The following PRKN variants were observed in gnomAD, a reference collection of about 807,000 sequenced individuals.
PRKN encodes parkin RBR E3 ubiquitin protein ligase.
A neutral mutation model predicts 59.5 loss-of-function variants in PRKN; 56 were observed. The observed-to-expected ratio is 0.94, with a 90% CI of 0.76 to 1.18. PRKN has a LOEUF of 1.18. PRKN is among the 50% of genes most tolerant of loss of function. The pLI is 0.00. For missense variants in PRKN, 657 were observed against 596.4 expected (o/e 1.10, Z -1.06); for synonymous variants, 250 against 222.1 (o/e 1.13, Z -1.12).
chr6:161,499,856 C>A lies in PRKN; in HGVS notation c.1083+48998G>T, dbSNP rs529951683. 1.3e-5 allele frequency among the ~76,000 whole-genome samples: 2 copies of A among 152,156 alleles called. No homozygotes were observed. Among genetic ancestry groups the A allele is most frequent in the African/African-American group, 4.8e-5 (2 of 41,446 alleles). ...AAGGTAGAATTTGGATGCCAAAATG[C>A]TATGATTTCTGAAATGGTGTCCAGG... On this transcript the variant is annotated intron_variant, in intron 9 of 11. Coordinates refer to ENST00000366898, the MANE Select transcript of PRKN (RefSeq NM_004562.3). This position sits in a 1 kb window ranked among gnomAD's most constrained non-coding sequence, Gnocchi z 4.2.
At chr6:162,209,512 T>C (rs1295152163) in intron 3 of PRKN, among the ~76,000 whole-genome samples, 1 of 152,152 alleles carries the variant, frequency 6.6e-6, no homozygotes, top group African/African-American at 2.4e-5. Context: ...GGTGGGAGTG[T>C]AAATTAGTTC....
chr6:161,638,642 G>A (rs1215697770), intron 7 of PRKN, among the ~76,000 whole-genome samples: 1 of 151,770 alleles, frequency 6.6e-6, no homozygotes, highest in Non-Finnish European at 1.5e-5. Context: ...TAATCCCCAT[G>A]TGTTGTGGGA....
intron 2 of PRKN, among the ~76,000 whole-genome samples, chr6:162,404,698 G>A (rs919805668): frequency 5.3e-5 from 8 of 151,990 alleles, no homozygotes; most frequent in East Asian, 1.9e-4. Flanking sequence ...GACTACAGGC[G>A]TGCACCACCA....
At chr6:162,634,171 T>G (rs1418627894) in intron 1 of PRKN, among the ~76,000 whole-genome samples, 1 of 152,124 alleles carries the variant, frequency 6.6e-6, no homozygotes, top group East Asian at 1.9e-4. Flanking sequence ...AGGGTTGGAA[T>G]GCATCTGCAG....
chr6:161,366,776 T>C (rs150623403), intron 10 of PRKN, among the ~76,000 whole-genome samples: 135 of 152,186 alleles, frequency 8.9e-4, no homozygotes, highest in African/African-American at 3.0e-3. Context: ...CCCGGGTGTT[T>C]CTGTACCTGA....
intron 7 of PRKN, among the ~76,000 whole-genome samples, chr6:161,645,987 G>C (rs369735153): frequency 6.4e-5 from 8 of 125,540 alleles, no homozygotes; most frequent in African/African-American, 2.3e-4. Flanking sequence ...CTGCGTGTGC[G>C]TGCGTGGCGG....
chr6:162,525,855 T>A (rs1778258276), intron 1 of PRKN, among the ~76,000 whole-genome samples: 1 of 152,186 alleles, frequency 6.6e-6, no homozygotes, highest in Admixed American at 6.5e-5. Flanking sequence ...AAATTGTTAA[T>A]TTATTATTAT....
chr6:161,886,180 A>C (rs1795141183), intron 6 of PRKN, among the ~76,000 whole-genome samples: 1 of 152,212 alleles, frequency 6.6e-6, no homozygotes, highest in African/African-American at 2.4e-5. Flanking sequence ...AAAAAATAAG[A>C]ATTAAATTTT....
intron 1 of PRKN, among the ~76,000 whole-genome samples, chr6:162,444,393 G>C (rs1251609338): frequency 6.6e-6 from 1 of 151,844 alleles, no homozygotes; most frequent in Non-Finnish European, 1.5e-5. Flanking sequence ...CGGCTGGTGA[G>C]GAAAGACTCC....
intron 7 of PRKN, among the ~76,000 whole-genome samples, chr6:161,591,963 T>C (rs1164248311): frequency 6.6e-6 from 1 of 152,180 alleles, no homozygotes; most frequent in Non-Finnish European, 1.5e-5. Flanking sequence ...CCACTACTCC[T>C]TTGGGATGCC....
At chr6:162,648,016 C>T (rs954255774) in intron 1 of PRKN, among the ~76,000 whole-genome samples, 1 of 139,060 alleles carries the variant, frequency 7.2e-6, no homozygotes, top group African/African-American at 2.7e-5. Context: ...AGAAAAGTTC[C>T]TAAATATTCC....
chr6:162,689,800 G>C (rs557584451), intron 1 of PRKN, among the ~76,000 whole-genome samples: 2 of 152,134 alleles, frequency 1.3e-5, no homozygotes, highest in Admixed American at 6.6e-5. Context: ...CATGAATCAC[G>C]CAAGAGTGTA....
intron 7 of PRKN, among the ~76,000 whole-genome samples, chr6:161,757,471 T>G (rs112163896): frequency 3.3e-5 from 5 of 151,950 alleles, no homozygotes; most frequent in African/African-American, 1.2e-4. Context: ...ATAAAAATAA[T>G]AATAAAATAT....
intron 6 of PRKN, among the ~76,000 whole-genome samples, chr6:161,859,865 C>T (rs1321590976): frequency 3.9e-5 from 6 of 151,952 alleles, no homozygotes; most frequent in Non-Finnish European, 8.8e-5. Flanking sequence ...TATAAAGCAA[C>T]AATAATGGCA....
chr6:161,954,230 T>C (rs1028955014), intron 6 of PRKN, among the ~76,000 whole-genome samples: 2 of 152,224 alleles, frequency 1.3e-5, no homozygotes, highest in African/African-American at 4.8e-5. Context: ...ATATGGCTTC[T>C]GTGAATGTGC....
At chr6:162,032,277 A>G (rs765523064) in intron 5 of PRKN, among the ~76,000 whole-genome samples, 4 of 152,172 alleles carry the variant, frequency 2.6e-5, no homozygotes, top group Non-Finnish European at 5.9e-5. Flanking sequence ...TAACAATGAA[A>G]ATAATAATAT....
At chr6:161,993,379 A>T (rs1781724191) in intron 5 of PRKN, among the ~76,000 whole-genome samples, 1 of 152,134 alleles carries the variant, frequency 6.6e-6, no homozygotes, top group South Asian at 2.1e-4. Context: ...GACACATACA[A>T]CCTACCAAGA....
chr6:161,895,447 G>A (rs1194745172), intron 6 of PRKN, among the ~76,000 whole-genome samples: 2 of 152,048 alleles, frequency 1.3e-5, no homozygotes, highest in Admixed American at 1.3e-4. Context: ...ACACTGCCTG[G>A]GTCCCCCTGG....
Position 161,729,483 on chromosome 6 carries a change from G to A in PRKN, c.871+56289C>T, listed in dbSNP as rs1299089963. 2.6e-5 allele frequency among the ~76,000 whole-genome samples: 4 copies of A among 152,120 alleles called. No individual in the cohort carries two copies. In the South Asian group the frequency reaches 8.3e-4, roughly 32 times the overall value. The stretch of plus-strand genomic sequence containing the variant: ...TTATAGGTTGGAAAAATGTCTTCAG[G>A]TAGAGGAATAATCAATTCAAAAAAT... On this transcript the variant is annotated intron_variant, in intron 7 of 11. Coordinates refer to ENST00000366898, the MANE Select transcript of PRKN (RefSeq NM_004562.3).
Sources: allele counts gnomAD v4.1 joint callset (sites outside exome capture counted in the v4.1 genomes callset), GRCh38; gene constraint gnomAD v4.1.1; non-coding constraint Gnocchi (gnomAD v3.1); transcripts MANE v1.5; gene names NCBI Gene and HGNC (gene_info 2026-07-23, HGNC 2026-07-21).